The following CTNND2 variants were observed in gnomAD, a reference collection of about 807,000 sequenced individuals.
CTNND2 encodes the protein catenin delta 2, also known as catenin delta-2.
Under a neutral mutation model 144.4 loss-of-function variants are expected in CTNND2, and 22 were observed. The ratio of observed to expected loss-of-function variants is 0.15; its 90% CI spans 0.11 to 0.22. The LOEUF (loss-of-function observed/expected upper bound fraction) is 0.22. CTNND2 is among the 10% of genes least tolerant of loss of function. CTNND2 has a pLI of 1.00. For missense variants in CTNND2, 1,353 were observed against 1,618.8 expected, an observed-to-expected ratio of 0.84 and a Z score of 2.82; for synonymous variants, 751 against 695.6, an observed-to-expected ratio of 1.08 and a Z score of -1.25.
At chr5:11,051,343 T>G (rs1217380812) in intron 16 of CTNND2, among the ~76,000 whole-genome samples, 2 of 152,160 alleles carry the variant, frequency 1.3e-5, no homozygotes, top group Non-Finnish European at 2.9e-5. Context: ...GCTGGGGCAA[T>G]AAGAATATAA....
intron 16 of CTNND2, among the ~76,000 whole-genome samples, chr5:11,074,268 A>T (rs1212973466): frequency 6.6e-6 from 1 of 152,296 alleles, no homozygotes; most frequent in South Asian, 2.1e-4. Flanking sequence ...AAGAAAACAC[A>T]TGGGTATCTA....
chr5:11,183,838 C>T (rs1009463685), intron 11 of CTNND2, among the ~76,000 whole-genome samples: 1 of 152,014 alleles, frequency 6.6e-6, no homozygotes, highest in South Asian at 2.1e-4. Flanking sequence ...GGATTACAGG[C>T]TTGAGCCACC....
intron 2 of CTNND2, among the ~76,000 whole-genome samples, chr5:11,635,867 C>T (rs560724463): frequency 2.6e-5 from 4 of 152,212 alleles, no homozygotes; most frequent in South Asian, 4.1e-4. Flanking sequence ...CTCCTTAATA[C>T]CAGCTTCCAC....
At chr5:11,091,101 A>G (rs1050588810) in intron 15 of CTNND2, among the ~76,000 whole-genome samples, 3 of 151,890 alleles carry the variant, frequency 2.0e-5, no homozygotes, top group African/African-American at 7.3e-5. Flanking sequence ...ATTTTTTCCT[A>G]TTCTCTTCCT....
At chr5:11,226,519 G>C (rs1348885451) in intron 10 of CTNND2, among the ~76,000 whole-genome samples, 1 of 152,182 alleles carries the variant, frequency 6.6e-6, no homozygotes, top group Non-Finnish European at 1.5e-5. Context: ...ACATGACTGG[G>C]GAGGCCTCAC....
intron 2 of CTNND2, among the ~76,000 whole-genome samples, chr5:11,586,061 T>C (rs1481929879): frequency 2.0e-5 from 3 of 152,194 alleles, no homozygotes; most frequent in Non-Finnish European, 4.4e-5. Context: ...CTGCTCTGCA[T>C]AGAGTAGTAA....
chr5:11,315,718 G>C (rs1049409133), intron 9 of CTNND2, among the ~76,000 whole-genome samples: 5 of 152,124 alleles, frequency 3.3e-5, no homozygotes, highest in Non-Finnish European at 7.4e-5. Flanking sequence ...CCATTTTTCA[G>C]TGTTTCATTT....
rs758438211 is a variant in CTNND2, at chr5:11,236,772, C to T, written c.1680G>A (p.Gln560=). The change falls in exon 10 of 22, where the codon CAG becomes CAA. Residue 560 remains glutamine, a synonymous_variant. Coordinates refer to ENST00000304623, the MANE Select transcript of CTNND2 (RefSeq NM_001332.4). ...TAGACTGGACCGAGGGAAACTGGTG[C>T]TGCAACATCTGAATCACTTCCGGCA... ...PELPEVIQML[Q]HQFPSVQSNA... The T allele has an allele frequency of 1.2e-6, 2 of 1,614,164 alleles. No individual in the cohort carries two copies. Among genetic ancestry groups the T allele is most frequent in the Non-Finnish European group, 1.7e-6 (2 of 1,179,996 alleles).
chr5:11,169,940 C>T (rs1357874673), intron 11 of CTNND2, among the ~76,000 whole-genome samples: 1 of 152,070 alleles, frequency 6.6e-6, no homozygotes, highest in Admixed American at 6.6e-5. Flanking sequence ...CAAAACAAGA[C>T]CACATTGAAA....
At chr5:11,666,263 T>C (rs1015106497) in intron 2 of CTNND2, among the ~76,000 whole-genome samples, 1 of 152,196 alleles carries the variant, frequency 6.6e-6, no homozygotes, top group African/African-American at 2.4e-5. Flanking sequence ...GTCTAAGCTA[T>C]GCACCTTGGT....
chr5:11,064,673 T>C (rs1747365771), intron 16 of CTNND2, among the ~76,000 whole-genome samples: 1 of 137,920 alleles, frequency 7.3e-6, no homozygotes, highest in South Asian at 2.5e-4. Flanking sequence ...TGCCTGGGTC[T>C]ACCAGCCCTG....
At chr5:11,546,336 G>A (rs1348948221) in intron 3 of CTNND2, among the ~76,000 whole-genome samples, 1 of 151,628 alleles carries the variant, frequency 6.6e-6, no homozygotes, top group African/African-American at 2.4e-5. Context: ...TAATGATAAA[G>A]ATTAATGTAA....
chr5:11,229,776 T>C (rs1740795393), intron 10 of CTNND2, among the ~76,000 whole-genome samples: 1 of 151,760 alleles, frequency 6.6e-6, no homozygotes, highest in Non-Finnish European at 1.5e-5. Flanking sequence ...TGCTTTCATG[T>C]ATAACTCTTT....
At chr5:11,603,418 G>A (rs1260020849) in intron 2 of CTNND2, among the ~76,000 whole-genome samples, 1 of 152,042 alleles carries the variant, frequency 6.6e-6, no homozygotes, top group African/African-American at 2.4e-5. Context: ...GCCCATTGCT[G>A]GTGTCACCGT....
At chr5:11,667,214 C>T (rs1207468009) in intron 2 of CTNND2, among the ~76,000 whole-genome samples, 1 of 152,112 alleles carries the variant, frequency 6.6e-6, no homozygotes, top group Non-Finnish European at 1.5e-5. Context: ...GTGAACAGTG[C>T]CGCAATAAAC....
At chr5:11,236,625 A>G in intron 10 of CTNND2, 66 bp downstream of exon 10, 1 of 1,534,616 alleles carries the variant, frequency 6.5e-7, no homozygotes, top group Non-Finnish European at 8.9e-7. Context: ...TTCCCCATCA[A>G]CATTAAGAAG....
chr5:11,226,868 G>A (rs1367135352), intron 10 of CTNND2, among the ~76,000 whole-genome samples: 1 of 152,206 alleles, frequency 6.6e-6, no homozygotes, highest in Non-Finnish European at 1.5e-5. Context: ...AACAGAGCCT[G>A]CAACTTTATA....
At chr5:11,707,906 G>A (rs1362817809) in intron 2 of CTNND2, among the ~76,000 whole-genome samples, 1 of 152,186 alleles carries the variant, frequency 6.6e-6, no homozygotes, top group Admixed American at 6.5e-5. Context: ...CATCTTTAAA[G>A]AGACAAAGTT....
chr5:11,560,398 A>G (rs141873126), intron 3 of CTNND2, among the ~76,000 whole-genome samples: 4 of 152,194 alleles, frequency 2.6e-5, no homozygotes, highest in Non-Finnish European at 5.9e-5. Flanking sequence ...GGAGATGTTC[A>G]TAAGAGTGGT....
Sources: allele counts gnomAD v4.1 joint callset (sites outside exome capture counted in the v4.1 genomes callset), GRCh38; gene constraint gnomAD v4.1.1; transcripts MANE v1.5; gene names NCBI Gene and HGNC (gene_info 2026-07-23, HGNC 2026-07-21).